PRICKLE1: variants seen among roughly 807,000 people sequenced by gnomAD.
PRICKLE1 encodes prickle-like protein 1.
A neutral mutation model predicts 70.2 loss-of-function variants in PRICKLE1; 14 were observed. The ratio of observed to expected loss-of-function variants is 0.20; its 90% CI spans 0.13 to 0.31. The LOEUF (loss-of-function observed/expected upper bound fraction) is 0.31, where lower values mean the gene tolerates loss of function less well. Ranked by LOEUF, PRICKLE1 falls within the 10% of genes least tolerant of loss-of-function variation. PRICKLE1 has a pLI of 1.00. For missense variants in PRICKLE1, 821 were observed against 1,026.2 expected (o/e 0.80, Z 2.73); for synonymous variants, 357 against 379.9 (o/e 0.94, Z 0.70).
rs1939707401 is a variant in PRICKLE1 at position 42,521,481 on chromosome 12, C to T, written c.-48-48917G>A. ...TTGGGAGGCCGAGGTGGGAGGATCACTTGAGCCTAGGAGTTTCAGACCAGC... is the reference window on the plus strand; with the variant it reads ...TTGGGAGGCCGAGGTGGGAGGATCATTTGAGCCTAGGAGTTTCAGACCAGC... On this transcript the variant is annotated intron_variant, in intron 1 of 7. Transcript: ENST00000345127. Among the ~76,000 whole-genome samples the T allele has an allele frequency of 1.3e-5, 2 of 152,154 alleles. 1 individual carries two copies. The highest frequency in any genetic ancestry group is 2.9e-5 in the Non-Finnish European group (2 of 68,038).
intron 1 of PRICKLE1, among the ~76,000 whole-genome samples, chr12:42,536,840 T>C (rs1940023825): frequency 6.6e-6 from 1 of 150,758 alleles, no homozygotes; most frequent in South Asian, 2.1e-4. Context: ...GTGTGCATAG[T>C]TTTTGCTCCA....
intron 1 of PRICKLE1, among the ~76,000 whole-genome samples, chr12:42,492,501 C>T (rs1424914167): frequency 6.6e-6 from 1 of 152,198 alleles, no homozygotes; most frequent in African/African-American, 2.4e-5. Context: ...CAGCCAGAAG[C>T]CTCCTGGAAG....
chr12:42,459,395 AGACG>A lies in PRICKLE1; in HGVS notation c.*410_*413del. 1 of 702,294 alleles carries A rather than the reference AGACG, an allele frequency of 1.4e-6. No individual in the cohort carries two copies. The highest frequency in any genetic ancestry group is 2.7e-5 in the East Asian group (1 of 37,292). 43.5% of individuals were successfully genotyped at this position (702,294 alleles called of 1,614,324 possible). The stretch of plus-strand genomic sequence containing the variant: ...ATCGTGACAGGCATGCCTCACACCA[AGACG>A]GACTATCAAGACCTGAGCCGACCTG... On this transcript the variant is annotated 3_prime_UTR_variant, in exon 8 of 8. Transcript: ENST00000345127.
intron 1 of PRICKLE1, among the ~76,000 whole-genome samples, chr12:42,503,995 A>G (rs1939360289): frequency 6.6e-6 from 1 of 151,752 alleles, no homozygotes; most frequent in Non-Finnish European, 1.5e-5. Flanking sequence ...CTGTGGCAAA[A>G]AAACAGAATC....
chr12:42,499,061 TTGAG>T (rs1229168338), intron 1 of PRICKLE1, among the ~76,000 whole-genome samples: 18 of 152,212 alleles, frequency 1.2e-4, no homozygotes, highest in South Asian at 4.1e-4. Flanking sequence ...TGGTGATAGA[TTGAG>T]TAAGAACACA....
In PRICKLE1 at chr12:42,538,002, T is replaced by G. The variant is rs180959063; in HGVS notation, c.-49+51463A>C. 1.3e-3 allele frequency among the ~76,000 whole-genome samples: 199 copies of G among 152,270 alleles called. 1 individual carries two copies. Among genetic ancestry groups the G allele is most frequent in the African/African-American group, 4.4e-3 (185 of 41,574 alleles). Reference sequence around the variant, plus strand: ...TCCAAAGAGTGTCTGTTGGGAGAAGTATTAAATCTCTTGACTCTTAATCTA... The same window carrying G: ...TCCAAAGAGTGTCTGTTGGGAGAAGGATTAAATCTCTTGACTCTTAATCTA... On this transcript the variant is annotated intron_variant, in intron 1 of 7. Coordinates refer to ENST00000345127, the MANE Select transcript of PRICKLE1 (RefSeq NM_153026.3).
chr12:42,508,305 C>T (rs1566106768), intron 1 of PRICKLE1, among the ~76,000 whole-genome samples: 1 of 152,156 alleles, frequency 6.6e-6, no homozygotes, highest in African/African-American at 2.4e-5. Context: ...AACATCCCTT[C>T]CTATTAGAAT....
chr12:42,544,031 A>C (rs1376254923), intron 1 of PRICKLE1, among the ~76,000 whole-genome samples: 2 of 150,510 alleles, frequency 1.3e-5, no homozygotes, highest in Non-Finnish European at 3.0e-5. Context: ...GTCTTCATCC[A>C]TGTCATCTTA....
intron 1 of PRICKLE1, among the ~76,000 whole-genome samples, chr12:42,571,226 GT>G (rs1003153426): frequency 2.8e-4 from 43 of 152,014 alleles, no homozygotes; most frequent in Admixed American, 2.7e-3. Context: ...CTTTTTTCAT[GT>G]GTTAATATTA....
chr12:42,528,284 G>T (rs930076131), intron 1 of PRICKLE1, among the ~76,000 whole-genome samples: 3 of 151,992 alleles, frequency 2.0e-5, no homozygotes, highest in African/African-American at 7.2e-5. Flanking sequence ...ATGTTGCCCA[G>T]ACTGCTCTCG....
intron 1 of PRICKLE1, among the ~76,000 whole-genome samples, chr12:42,588,513 G>A (rs1350698047): frequency 6.7e-6 from 1 of 150,118 alleles, no homozygotes; most frequent in Non-Finnish European, 1.5e-5. Context: ...AGTTGTTGGT[G>A]CTTTTTTTTT....
rs183769782 is a variant in PRICKLE1, at chr12:42,579,651, C to G, written c.-49+9814G>C. 2.7e-3 allele frequency among the ~76,000 whole-genome samples: 407 copies of G among 152,238 alleles called. 2 individuals carry two copies. Among genetic ancestry groups the G allele is most frequent in the African/African-American group, 9.2e-3 (383 of 41,532 alleles). On this transcript the variant is annotated intron_variant, in intron 1 of 7. Coordinates refer to ENST00000345127, the MANE Select transcript of PRICKLE1 (RefSeq NM_153026.3). Reference sequence around the variant, plus strand: ...GAGGGCATATGGTAGGAAGAAGGTGCTAAAGCTAGCTGATTTTGCCACTGG... The same window carrying G: ...GAGGGCATATGGTAGGAAGAAGGTGGTAAAGCTAGCTGATTTTGCCACTGG...
intron 2 of PRICKLE1, 140 bp downstream of exon 2, chr12:42,472,245 G>T: frequency 1.0e-6 from 1 of 977,472 alleles, no homozygotes; most frequent in Non-Finnish European, 1.5e-6. Flanking sequence ...AAACTTCAAA[G>T]CCATACAAAG....
intron 1 of PRICKLE1, among the ~76,000 whole-genome samples, chr12:42,568,888 T>C (rs1940664274): frequency 6.6e-6 from 1 of 152,176 alleles, no homozygotes; most frequent in South Asian, 2.1e-4. Flanking sequence ...AATATGTTTT[T>C]TGATAGAAAA....
At chr12:42,516,222 C>T (rs1044482605) in intron 1 of PRICKLE1, among the ~76,000 whole-genome samples, 2 of 152,094 alleles carry the variant, frequency 1.3e-5, no homozygotes, top group Non-Finnish European at 2.9e-5. Flanking sequence ...AGCCCCACCT[C>T]CCGGGTTCAT....
intron 1 of PRICKLE1, among the ~76,000 whole-genome samples, chr12:42,559,687 C>T (rs1940473681): frequency 2.0e-5 from 3 of 146,636 alleles, no homozygotes; most frequent in Admixed American, 7.0e-5. Flanking sequence ...TGATCTGGAA[C>T]TCCTGGGCTC....
rs371789655 is a variant in PRICKLE1 at position 42,464,548 on chromosome 12, T to G, written c.1486A>C (p.Arg496=). 8 of 1,613,962 alleles carry G rather than the reference T, an allele frequency of 5.0e-6. No homozygotes were observed. Among genetic ancestry groups the G allele is most frequent in the African/African-American group, 1.3e-5 (1 of 74,970 alleles). ...TGGTCCAGTTCCAATTCCTGAAGCC[T>G]TCTACTGCTTGCAGGGCCTGGGTGG... ...GSHPGPASSR[R]LQELELDHGA... Residue 496 remains arginine, a synonymous_variant, in exon 7 of 8, where the codon AGG becomes CGG. Coordinates refer to ENST00000345127, the MANE Select transcript of PRICKLE1 (RefSeq NM_153026.3). The surrounding 1 kb of genome is among the most constrained non-coding windows in gnomAD (Gnocchi z 4.2).
At chr12:42,579,781 C>T (rs527353584) in intron 1 of PRICKLE1, among the ~76,000 whole-genome samples, 1 of 152,172 alleles carries the variant, frequency 6.6e-6, no homozygotes, top group Admixed American at 6.5e-5. Flanking sequence ...AATAATAAAA[C>T]CTCCCCCAAA....
intron 1 of PRICKLE1, among the ~76,000 whole-genome samples, chr12:42,477,924 T>C (rs976786375): frequency 6.6e-6 from 1 of 151,856 alleles, no homozygotes; most frequent in Non-Finnish European, 1.5e-5. Context: ...AGAACCATGC[T>C]TAGATGAACT....
Sources: allele counts gnomAD v4.1 joint callset (sites outside exome capture counted in the v4.1 genomes callset), GRCh38; gene constraint gnomAD v4.1.1; non-coding constraint Gnocchi (gnomAD v3.1); transcripts MANE v1.5; gene names NCBI Gene and HGNC (gene_info 2026-07-23, HGNC 2026-07-21).